The following CLIP1 variants were observed in gnomAD, a reference collection of about 807,000 sequenced individuals.
The protein encoded by CLIP1 is CAP-Gly domain containing linker protein 1.
CLIP1 carries 66 observed loss-of-function variants against 161.6 expected under a neutral mutation model. The ratio of observed to expected loss-of-function variants is 0.41; its 90% CI spans 0.33 to 0.50. The LOEUF (loss-of-function observed/expected upper bound fraction) is 0.50, where lower values mean the gene tolerates loss of function less well. Ranked by LOEUF, CLIP1 falls within the 20% of genes least tolerant of loss-of-function variation. CLIP1 has a pLI of 0.27. For synonymous variants in CLIP1, 598 were observed against 626.2 expected (o/e 0.96, Z 0.67); for missense variants, 1,376 against 1,702.0 (o/e 0.81, Z 3.37).
At position 122,341,488 on chromosome 12, in the gene CLIP1, A is replaced by G. The variant is rs945008392; in HGVS notation, c.1716T>C (p.Ser572=). 6.2e-7 allele frequency: 1 copy of G among 1,613,746 alleles called. No homozygotes were observed. Among genetic ancestry groups the G allele is most frequent in the South Asian group, 1.1e-5 (1 of 91,076 alleles). Residue 572 remains serine (S), a synonymous_variant, in exon 11 of 26, where the codon TCT becomes TCC. Transcript: ENST00000620786. ...CCCGGGCTCCAAAATGCTCCTTCAG[A>G]GAAGTTATTTCTCTCTGGTGGTCAG... ...TRTDHQREIT[S]LKEHFGAREE... is the part of the protein sequence containing the mutation.
At chr12:122,375,913 C>G (rs1010152667) in intron 3 of CLIP1, among the ~76,000 whole-genome samples, 1 of 150,824 alleles carries the variant, frequency 6.6e-6, no homozygotes, top group Non-Finnish European at 1.5e-5. Flanking sequence ...GTAGCTGGGA[C>G]TACAGGCGTG....
intron 8 of CLIP1, among the ~76,000 whole-genome samples, chr12:122,352,058 CTTT>C (rs11448068): frequency 1.5e-5 from 2 of 137,410 alleles, no homozygotes; most frequent in African/African-American, 2.7e-5. Context: ...TTGTTGTGGA[CTTT>C]TTTTTTTTTT....
rs747331693 is a variant in CLIP1 at position 122,334,707 on chromosome 12, TAAAGAAAAAGAA to T, written c.2569-14_2569-3del. 1.3e-6 allele frequency: 2 copies of T among 1,555,930 alleles called. No homozygotes were observed. Among genetic ancestry groups the T allele is most frequent in the Non-Finnish European group, 1.8e-6 (2 of 1,141,826 alleles). The stretch of plus-strand genomic sequence containing the variant: ...TGAAGCTTCAGCAAACTTTTCTTTC[TAAAGAAAAAGAA>T]TGAGAGATTCTGAACAGAAAGATTT... On this transcript the variant is annotated splice_region_variant and splice_polypyrimidine_tract_variant and intron_variant, in intron 12 of 25. Coordinates refer to ENST00000620786, the MANE Select transcript of CLIP1 (RefSeq NM_001247997.2).
chr12:122,422,386 C>T (rs977383309), intron 1 of CLIP1, 135 bp downstream of exon 1: 34 of 151,646 alleles, frequency 2.2e-4, no homozygotes, highest in African/African-American at 7.2e-4. Flanking sequence ...CTCCGGCGCG[C>T]GAGGCTCGGC....
intron 18 of CLIP1, 48 bp from the exon 19 acceptor site, chr12:122,316,903 G>A (rs757387169): frequency 3.5e-6 from 4 of 1,135,890 alleles, no homozygotes; most frequent in Non-Finnish European, 5.0e-6. Context: ...TCATTTTCCA[G>A]TGACATGAAT....
intron 5 of CLIP1, among the ~76,000 whole-genome samples, chr12:122,357,589 G>A (rs1211566555): frequency 4.5e-5 from 6 of 133,508 alleles, no homozygotes; most frequent in East Asian, 2.4e-4. Context: ...CCGGCCAGCC[G>A]CCCCGTCCGG....
chr12:122,403,120 G>A (rs1190035572), intron 1 of CLIP1, among the ~76,000 whole-genome samples: 1 of 152,114 alleles, frequency 6.6e-6, no homozygotes, highest in Admixed American at 6.6e-5. Flanking sequence ...CATCTTCTGT[G>A]CTCCATTACA....
At chr12:122,422,817 A>C (rs1230240057), upstream of CLIP1, among the ~76,000 whole-genome samples, 11 of 137,458 alleles carry the variant, frequency 8.0e-5, no homozygotes, top group East Asian at 1.2e-3. Context: ...GTCTGCGCCC[A>C]CCGCGGCCCC....
At position 122,392,873 on chromosome 12, in the gene CLIP1, C is replaced by T. The variant is rs545338711; in HGVS notation, c.-106-12315G>A. ...CTCAGTTCACTACAACTTCCACCTC[C>T]CAGGCTCAAGCAATCCTCCTGCCTC... On this transcript the variant is annotated intron_variant, in intron 1 of 25. Coordinates refer to ENST00000620786, the MANE Select transcript of CLIP1 (RefSeq NM_001247997.2). Among the ~76,000 whole-genome samples, 8 of 152,120 alleles carry T rather than the reference C, an allele frequency of 5.3e-5. No homozygotes were observed. In the South Asian group the frequency reaches 1.7e-3, roughly 32 times the overall value.
At chr12:122,293,800 T>TTTTTTGG (rs1430814868) in intron 20 of CLIP1, among the ~76,000 whole-genome samples, 7 of 106,970 alleles carry the variant, frequency 6.5e-5, no homozygotes, top group Non-Finnish European at 1.2e-4. Context: ...TTTTTTTTTG[T>TTTTTTGG]TTTTTGTTTT....
At chr12:122,281,729 G>A (rs1297023997) in intron 21 of CLIP1, among the ~76,000 whole-genome samples, 2 of 151,648 alleles carry the variant, frequency 1.3e-5, no homozygotes, top group East Asian at 1.9e-4. Context: ...AAAAATCCTG[G>A]GTTTCTTATG....
At chr12:122,299,758 T>C (rs558996091) in intron 20 of CLIP1, among the ~76,000 whole-genome samples, 118 of 148,118 alleles carry the variant, frequency 8.0e-4, no homozygotes, top group African/African-American at 1.9e-3. Context: ...CTACTAAAAA[T>C]ACAAAAAATT....
At chr12:122,417,510 C>CT (rs35179677) in intron 1 of CLIP1, among the ~76,000 whole-genome samples, 5 of 104,796 alleles carry the variant, frequency 4.8e-5, no homozygotes, top group South Asian at 3.6e-4. Context: ...ATTATTCTGC[C>CT]TTTTTTTTTT....
At chr12:122,334,960 T>C (rs919581354) in intron 12 of CLIP1, among the ~76,000 whole-genome samples, 1 of 152,230 alleles carries the variant, frequency 6.6e-6, no homozygotes, top group African/African-American at 2.4e-5. Flanking sequence ...CATGCCCATG[T>C]AGGCATGTTC....
chr12:122,404,895 A>G (rs531287920), intron 1 of CLIP1, among the ~76,000 whole-genome samples: 137 of 147,384 alleles, frequency 9.3e-4, no homozygotes, highest in African/African-American at 3.4e-3. Flanking sequence ...GCGAGACTCC[A>G]TCTCAAAAAA....
At chr12:122,354,793 A>G (rs1953248356) in intron 6 of CLIP1, 1 of 576,938 alleles carries the variant, frequency 1.7e-6, no homozygotes, top group Non-Finnish European at 3.1e-6. Context: ...GCTGAAACAC[A>G]TATTAAGAGT....
chr12:122,336,265 T>A (rs1952212032), intron 12 of CLIP1, among the ~76,000 whole-genome samples: 1 of 152,146 alleles, frequency 6.6e-6, no homozygotes. Context: ...TAATCACAGT[T>A]TAGGGGCCTC....
At chr12:122,422,089 G>A (rs1593289127) in intron 1 of CLIP1, among the ~76,000 whole-genome samples, 1 of 152,208 alleles carries the variant, frequency 6.6e-6, no homozygotes, top group East Asian at 1.9e-4. Context: ...GGTGACAGGC[G>A]CGGCGCCCGG....
At chr12:122,301,110 A>C (rs138631527) in intron 20 of CLIP1, among the ~76,000 whole-genome samples, 1 of 152,218 alleles carries the variant, frequency 6.6e-6, no homozygotes, top group Non-Finnish European at 1.5e-5. Context: ...AAAGATGACT[A>C]AAGAGACACG....
Sources: gnomAD v4.1 joint callset for allele counts (sites outside exome capture counted in the v4.1 genomes callset) on GRCh38, gnomAD v4.1.1 for gene constraint, MANE v1.5 for transcripts, NCBI Gene and HGNC (gene_info 2026-07-23, HGNC 2026-07-21) for gene names.